Variants in FRMPD3 observed in about 807,000 individuals in gnomAD.
The protein encoded by FRMPD3 is FERM and PDZ domain-containing protein 3.
FRMPD3 carries 42 observed loss-of-function variants against 97.9 expected under a neutral mutation model. The ratio of observed to expected loss-of-function variants is 0.43; its 90% CI spans 0.34 to 0.55. The LOEUF (loss-of-function observed/expected upper bound fraction) is 0.55, where lower values mean the gene tolerates loss of function less well. FRMPD3 is among the 20% of genes least tolerant of loss of function. The probability of loss-of-function intolerance (pLI) is 0.03; values close to 1 mark genes in which losing one functional copy is unlikely to be tolerated. For synonymous variants in FRMPD3, 577 were observed against 581.1 expected, an observed-to-expected ratio of 0.99 and a Z score of 0.10; for missense variants, 1,303 against 1,457.7, an observed-to-expected ratio of 0.89 and a Z score of 1.73.
At chrX:107,598,839 A>G (rs1050469884) in intron 14 of FRMPD3, among the ~76,000 whole-genome samples, 3 of 112,623 alleles carry the variant, frequency 2.7e-5, no homozygotes, top group Non-Finnish European at 5.6e-5. Flanking sequence ...ATTGTAACTA[A>G]GTATTAGTTC....
At chrX:107,530,641 C>T (rs752297694) in intron 3 of FRMPD3, 130 bp downstream of exon 3, 202 of 482,536 alleles carry the variant, frequency 4.2e-4, no homozygotes, top group Non-Finnish European at 6.6e-4. Flanking sequence ...CTATAGAGGG[C>T]TCCTGGCTAA....
At chrX:107,518,217 C>T (rs1159090182) in intron 1 of FRMPD3, among the ~76,000 whole-genome samples, 3 of 111,802 alleles carry the variant, frequency 2.7e-5, no homozygotes, top group Non-Finnish European at 5.6e-5. Context: ...GATGAAGAGC[C>T]AGCTCTGTGA....
intron 1 of FRMPD3, among the ~76,000 whole-genome samples, chrX:107,514,394 T>C (rs1922248872): frequency 9.0e-6 from 1 of 111,615 alleles, no homozygotes; most frequent in South Asian, 3.8e-4. Context: ...CAGCAGTGGA[T>C]ACAGGGAGAC....
chrX:107,450,503 GCA>G (rs1321428343), intron 1 of FRMPD3, among the ~76,000 whole-genome samples: 1 of 104,439 alleles, frequency 9.6e-6, no homozygotes, highest in Non-Finnish European at 2.0e-5. Flanking sequence ...GCACACACAC[GCA>G]CACACAGCCG....
chrX:107,514,946 A>C (rs1314539602), intron 1 of FRMPD3, among the ~76,000 whole-genome samples: 1 of 111,713 alleles, frequency 9.0e-6, no homozygotes, highest in East Asian at 2.8e-4. Flanking sequence ...GGCTTAAGTA[A>C]TTAAAGAGAT....
At chrX:107,591,158 TTTC>T (rs1241094116) in intron 13 of FRMPD3, among the ~76,000 whole-genome samples, 4 of 110,212 alleles carry the variant, frequency 3.6e-5, no homozygotes, top group Non-Finnish European at 7.6e-5. Flanking sequence ...TCTTTCTTTC[TTTC>T]TTTTTTTTTT....
In FRMPD3 at chrX:107,550,126, A is replaced by C. The variant is rs1423499872; in HGVS notation, c.480A>C (p.Ser160=). 1 of 1,201,570 alleles carries C rather than the reference A, an allele frequency of 8.3e-7. No individual in the cohort carries two copies. Among genetic ancestry groups the C allele is most frequent in the East Asian group, 3.0e-5 (1 of 33,746 alleles). The change falls in exon 6 of 15, where the codon TCA becomes TCC. Residue 160 remains serine, a synonymous_variant. Coordinates refer to ENST00000683843, the MANE Select transcript of FRMPD3 (RefSeq NM_001388459.1). ...KVFLENGQIK[S]FTFDGRTTVK... is the part of the protein sequence containing the mutation. Reference sequence around the variant, plus strand: ...TCTTAGAAAATGGGCAGATCAAGTCATTCACATTTGATGGTCGGACCACTG... The same window carrying C: ...TCTTAGAAAATGGGCAGATCAAGTCCTTCACATTTGATGGTCGGACCACTG...
chrX:107,509,076 GC>G (rs1322203328), intron 1 of FRMPD3, among the ~76,000 whole-genome samples: 1 of 111,381 alleles, frequency 9.0e-6, no homozygotes, highest in African/African-American at 3.3e-5. Context: ...ATTGATATTC[GC>G]CCCGCTCCCC....
chrX:107,548,156 C>G (rs1438610101), intron 5 of FRMPD3, among the ~76,000 whole-genome samples: 1 of 112,186 alleles, frequency 8.9e-6, no homozygotes, highest in African/African-American at 3.2e-5. Context: ...TCAAATCATC[C>G]ACACCCACTG....
At chrX:107,567,239 G>C (rs1026343623) in intron 12 of FRMPD3, among the ~76,000 whole-genome samples, 1 of 111,451 alleles carries the variant, frequency 9.0e-6, no homozygotes, top group East Asian at 2.8e-4. Flanking sequence ...TCCCAAGTCG[G>C]CCTCCCAAAG....
intron 1 of FRMPD3, among the ~76,000 whole-genome samples, chrX:107,480,488 T>A (rs1223769490): frequency 9.0e-6 from 1 of 110,722 alleles, no homozygotes; most frequent in African/African-American, 3.3e-5. Context: ...ATACCTCCTA[T>A]GGGCCATGGT....
intron 13 of FRMPD3, among the ~76,000 whole-genome samples, chrX:107,591,731 T>A (rs1181066753): frequency 9.0e-6 from 1 of 111,731 alleles, no homozygotes; most frequent in African/African-American, 3.3e-5. Flanking sequence ...TTGTTTGCTC[T>A]TCTTTTTTTG....
intron 8 of FRMPD3, among the ~76,000 whole-genome samples, chrX:107,555,609 T>C (rs1320702519): frequency 6.3e-5 from 7 of 111,856 alleles, no homozygotes; most frequent in Non-Finnish European, 1.3e-4. Flanking sequence ...TAGATGCACA[T>C]TAAAATTATC....
At chrX:107,499,736 C>T (rs1921859141) in intron 1 of FRMPD3, among the ~76,000 whole-genome samples, 1 of 112,236 alleles carries the variant, frequency 8.9e-6, no homozygotes, top group Non-Finnish European at 1.9e-5. Flanking sequence ...ATAAAGTAGA[C>T]ATAGTGCTGT....
In FRMPD3 at chrX:107,583,078, C is replaced by T. The variant is rs775842916; in HGVS notation, c.1441+6619C>T. 3.8e-4 allele frequency among the ~76,000 whole-genome samples: 42 copies of T among 111,105 alleles called. 1 individual carries two copies. The highest frequency in any genetic ancestry group is 3.5e-3 in the Admixed American group (36 of 10,378). ...TAGTTTTCAGTGTACAAATTTTGCA[C>T]GTCTTTTTTTTCTTTTTCTCTTTTT... On this transcript the variant is annotated intron_variant, in intron 13 of 14. Transcript: ENST00000683843.
At chrX:107,550,769 C>A (rs1921829748) in intron 6 of FRMPD3, among the ~76,000 whole-genome samples, 1 of 111,378 alleles carries the variant, frequency 9.0e-6, no homozygotes, top group Non-Finnish European at 1.9e-5. Context: ...TATGATTCAC[C>A]CCCAGATTCA....
At chrX:107,482,112 T>C (rs1366962686) in intron 1 of FRMPD3, among the ~76,000 whole-genome samples, 1 of 110,846 alleles carries the variant, frequency 9.0e-6, no homozygotes, top group Non-Finnish European at 1.9e-5. Flanking sequence ...TTGTTTGTTT[T>C]GTTTTTTTCT....
chrX:107,453,522 C>T (rs765607795), intron 1 of FRMPD3, among the ~76,000 whole-genome samples: 2 of 111,531 alleles, frequency 1.8e-5, no homozygotes, highest in African/African-American at 6.5e-5. Flanking sequence ...GCTCTTCTCT[C>T]AAGGACTTCT....
chrX:107,486,151 G>A (rs754149781), intron 1 of FRMPD3, among the ~76,000 whole-genome samples: 1 of 112,304 alleles, frequency 8.9e-6, no homozygotes, highest in African/African-American at 3.2e-5. Flanking sequence ...AGGAAGACAC[G>A]GTTGGATGTG....
Sources: allele counts gnomAD v4.1 joint callset (sites outside exome capture counted in the v4.1 genomes callset), GRCh38; gene constraint gnomAD v4.1.1; transcripts MANE v1.5; gene names NCBI Gene and HGNC (gene_info 2026-07-23, HGNC 2026-07-21).